The following BBC3 variants were observed in gnomAD, a reference collection of about 807,000 sequenced individuals.
The protein encoded by BBC3 is BCL2 binding component 3.
Under a neutral mutation model 18.2 loss-of-function variants are expected in BBC3, and 5 were observed. That is an observed-to-expected ratio of 0.27 (90% confidence interval 0.14 to 0.58). The LOEUF (loss-of-function observed/expected upper bound fraction) is 0.58, where lower values mean the gene tolerates loss of function less well. Among genes scored for constraint, BBC3 ranks in the 20% least tolerant of loss-of-function variants. BBC3 has a pLI of 0.91. For missense variants in BBC3, 224 were observed against 268.9 expected (o/e 0.83, Z 1.17); for synonymous variants, 119 against 128.0 (o/e 0.93, Z 0.47).
chr19:47,224,800 C>T (rs2058792431), intron 3 of BBC3, among the ~76,000 whole-genome samples: 1 of 149,292 alleles, frequency 6.7e-6, no homozygotes, highest in Non-Finnish European at 1.5e-5. Flanking sequence ...GCATGATCTC[C>T]TGATCTCGGC....
At chr19:47,226,406 C>T (rs930926109) in intron 3 of BBC3, among the ~76,000 whole-genome samples, 158 bp downstream of exon 3, 2 of 151,996 alleles carry the variant, frequency 1.3e-5, no homozygotes, top group African/African-American at 4.8e-5. Flanking sequence ...GCTCTGCGGG[C>T]GCGCGATTCC....
chr19:47,222,005 C>T (rs535509958), intron 3 of BBC3, 87 bp from the exon 4 acceptor site: 1 of 1,248,552 alleles, frequency 8.0e-7, no homozygotes, highest in Non-Finnish European at 1.1e-6. Flanking sequence ...GGCAGCGAGG[C>T]GACAGTCTCG....
chr19:47,221,969 T>C, intron 3 of BBC3, 51 bp from the exon 4 acceptor site: 1 of 1,501,654 alleles, frequency 6.7e-7, no homozygotes, highest in Non-Finnish European at 9.0e-7. Flanking sequence ...AGTATGGTGA[T>C]GGGAGTGGGG....
chr19:47,226,929 T>C (rs1054422322), intron 2 of BBC3, 175 bp from the exon 3 acceptor site: 5 of 535,404 alleles, frequency 9.3e-6, no homozygotes, highest in Non-Finnish European at 1.5e-5. Context: ...AAGAAGTACC[T>C]GGGGACGCCG....
intron 3 of BBC3, among the ~76,000 whole-genome samples, chr19:47,224,736 T>G (rs1600239022): frequency 6.6e-6 from 1 of 151,514 alleles, no homozygotes; most frequent in East Asian, 1.9e-4. Context: ...TGACTTTTTT[T>G]TTTTTTTTTT....
chr19:47,224,839 A>G (rs1478331792), intron 3 of BBC3, among the ~76,000 whole-genome samples: 1 of 151,368 alleles, frequency 6.6e-6, no homozygotes, highest in Non-Finnish European at 1.5e-5. Context: ...CCTGGGTTCA[A>G]GAGATTCTCC....
rs754077264 is a variant in BBC3, at chr19:47,221,724, C to T, written c.*78G>A. 1.9e-6 allele frequency: 3 copies of T among 1,597,612 alleles called. No individual in the cohort carries two copies. The highest frequency in any genetic ancestry group is 2.3e-5 in the East Asian group (1 of 44,440). On this transcript the variant is annotated 3_prime_UTR_variant, in exon 4 of 4. Transcript: ENST00000439096. The stretch of plus-strand genomic sequence containing the variant: ...TGCTACATGGTGCAGAGAAAGTCCC[C>T]CGCGCTGGCCAGGGTGTCAGGAGGT...
chr19:47,231,310 C>T (rs1255496854), upstream of BBC3: 3 of 645,452 alleles, frequency 4.6e-6, no homozygotes, highest in Non-Finnish European at 5.8e-6. The surrounding 1 kb of genome is among the most constrained non-coding windows in gnomAD (Gnocchi z 4.0). Context: ...CGGCCCCGCC[C>T]GCCCGCCGCG....
intron 3 of BBC3, among the ~76,000 whole-genome samples, chr19:47,224,040 A>G (rs190459553): frequency 2.6e-5 from 4 of 152,252 alleles, no homozygotes; most frequent in Non-Finnish European, 5.9e-5. Context: ...TACACCTGTA[A>G]TCCCAGCACT....
intron 1 of BBC3, among the ~76,000 whole-genome samples, chr19:47,229,833 C>G (rs1261958731): frequency 6.6e-6 from 1 of 152,088 alleles, no homozygotes; most frequent in Admixed American, 6.6e-5. Context: ...CACACACACT[C>G]ACACCTGACA....
chr19:47,222,534 C>T (rs2058763194), intron 3 of BBC3: 2 of 152,158 alleles, frequency 1.3e-5, no homozygotes, highest in Admixed American at 6.6e-5. Flanking sequence ...AAATTAAAGG[C>T]AATACTAAAA....
upstream of BBC3, among the ~76,000 whole-genome samples, chr19:47,231,752 GACAGGGCCAC>G (rs1038131960): frequency 3.9e-5 from 6 of 152,088 alleles, no homozygotes; most frequent in African/African-American, 1.4e-4. The surrounding 1 kb of genome is among the most constrained non-coding windows in gnomAD (Gnocchi z 4.0). Flanking sequence ...CGGACACAAT[GACAGGGCCAC>G]ACACAGTTGC....
chr19:47,228,000 G>C (rs747407975), intron 2 of BBC3, among the ~76,000 whole-genome samples, 158 bp downstream of exon 2: 17 of 152,102 alleles, frequency 1.1e-4, no homozygotes, highest in Non-Finnish European at 2.2e-4. Context: ...CCGTCTTCCT[G>C]CTTCTTGCAA....
In BBC3 at chr19:47,221,501, C is replaced by T; in HGVS notation, c.*301G>A. On this transcript the variant is annotated 3_prime_UTR_variant, in exon 4 of 4. Transcript: ENST00000439096. Reference sequence around the variant, plus strand: ...CAGCCTTTCCTGAGATGGTGGTGGGCGGCAGAGGCGGGCGGCTCAGTCCCC... The same window carrying T: ...CAGCCTTTCCTGAGATGGTGGTGGGTGGCAGAGGCGGGCGGCTCAGTCCCC... 1.0e-5 allele frequency: 3 copies of T among 296,580 alleles called. No individual in the cohort carries two copies. The highest frequency in any genetic ancestry group is 1.6e-4 in the East Asian group (1 of 6,084). 18.4% of individuals were successfully genotyped at this position (296,580 alleles called of 1,614,324 possible). A position where few individuals can be genotyped will look rare whatever the true frequency, so the allele number is the denominator to read the frequency against.
intron 2 of BBC3, among the ~76,000 whole-genome samples, chr19:47,227,396 G>A (rs868293896): frequency 1.4e-5 from 2 of 143,076 alleles, no homozygotes; most frequent in African/African-American, 5.2e-5. Flanking sequence ...GTTCCCTAAG[G>A]CCTACAGCCA....
rs2058751540 is a variant in BBC3, at chr19:47,221,526, C to T, written c.*276G>A. On this transcript the variant is annotated 3_prime_UTR_variant, in exon 4 of 4. Transcript: ENST00000439096. Reference sequence around the variant, plus strand: ...CGGCAGAGGCGGGCGGCTCAGTCCCCACCCCCTCGGTCACCGCCACCTTCC... The same window carrying T: ...CGGCAGAGGCGGGCGGCTCAGTCCCTACCCCCTCGGTCACCGCCACCTTCC... 2 of 610,918 alleles carry T rather than the reference C, an allele frequency of 3.3e-6. No individual in the cohort carries two copies. The highest frequency in any genetic ancestry group is 3.6e-5 in the Admixed American group (1 of 27,454). The allele number at this position is 610,918 out of a possible 1,614,324, so 37.8% of individuals were successfully genotyped here. A position where few individuals can be genotyped will look rare whatever the true frequency, so the allele number is the denominator to read the frequency against.
rs951821098 is a variant in BBC3 at position 47,230,142 on chromosome 19, C to T, written c.-16+787G>A. Among the ~76,000 whole-genome samples, 3 of 151,986 alleles carry T rather than the reference C, an allele frequency of 2.0e-5. No homozygotes were observed. The highest frequency in any genetic ancestry group is 3.9e-4 in the East Asian group (2 of 5,172). On this transcript the variant is annotated intron_variant, in intron 1 of 3. Transcript: ENST00000439096. The surrounding 1 kb of genome is among the most constrained non-coding windows in gnomAD (Gnocchi z 6.7). ...ACACACAGACAACTCTCACCGACAA[C>T]ACACGCAGGTCCACCCACCCCACAA...
intron 3 of BBC3, among the ~76,000 whole-genome samples, chr19:47,225,290 C>T (rs1422982880): frequency 6.6e-6 from 1 of 152,044 alleles, no homozygotes; most frequent in Non-Finnish European, 1.5e-5. Context: ...TCAAGTGAGC[C>T]ACTTGCCTCC....
chr19:47,224,082 G>A (rs1202373667), intron 3 of BBC3, among the ~76,000 whole-genome samples: 2 of 152,102 alleles, frequency 1.3e-5, no homozygotes, highest in Non-Finnish European at 2.9e-5. Context: ...ATCACCTGAG[G>A]TCGGGAATTC....
Sources: allele counts gnomAD v4.1 joint callset (sites outside exome capture counted in the v4.1 genomes callset), GRCh38; gene constraint gnomAD v4.1.1; non-coding constraint Gnocchi (gnomAD v3.1); transcripts MANE v1.5; gene names NCBI Gene and HGNC (gene_info 2026-07-23, HGNC 2026-07-21).